SLC26A5: variants seen among roughly 807,000 people sequenced by gnomAD.
SLC26A5 encodes prestin.
SLC26A5 carries 51 observed loss-of-function variants against 81.0 expected under a neutral mutation model. The observed-to-expected ratio is 0.63, with a 90% CI of 0.50 to 0.80. The LOEUF is 0.80. Ranked by LOEUF, SLC26A5 falls within the 30% of genes least tolerant of loss-of-function variation. The pLI is 0.00. For missense variants in SLC26A5, 771 were observed against 905.8 expected, an observed-to-expected ratio of 0.85 and a Z score of 1.91; for synonymous variants, 325 against 332.8, an observed-to-expected ratio of 0.98 and a Z score of 0.25.
chr7:103,398,224 C>T (rs1005429031), intron 8 of SLC26A5, among the ~76,000 whole-genome samples: 6 of 152,178 alleles, frequency 3.9e-5, no homozygotes, highest in Non-Finnish European at 5.9e-5. Context: ...GAGTTTATGA[C>T]CTGGCATTTT....
intron 19 of SLC26A5, among the ~76,000 whole-genome samples, chr7:103,359,120 A>C (rs986888781): frequency 4.7e-5 from 6 of 128,228 alleles, no homozygotes; most frequent in African/African-American, 1.8e-4. Context: ...CCACAGGTGC[A>C]TACCACCCCA....
intron 4 of SLC26A5, among the ~76,000 whole-genome samples, chr7:103,414,150 A>G (rs1217556036): frequency 8.6e-6 from 1 of 116,492 alleles, no homozygotes; most frequent in Non-Finnish European, 1.7e-5. Flanking sequence ...TCCCCTGGAC[A>G]CTAATGATAT....
Position 103,391,697 on chromosome 7 carries a change from T to C in SLC26A5, c.1158A>G (p.Ser386=). 6.2e-7 allele frequency: 1 copy of C among 1,613,976 alleles called. No individual in the cohort carries two copies. The highest frequency in any genetic ancestry group is 8.5e-7 in the Non-Finnish European group (1 of 1,179,996). ...IALGLCNSIG[S]LFQTFSISCS... ...ATGAAATTGAAAAGGTCTGGAAGAG[T>C]GAGCCAATGGAATTGCACAGTCCCA... Residue 386 remains serine (S), a synonymous_variant, in exon 11 of 20, where the codon TCA becomes TCG. Coordinates refer to ENST00000306312, the MANE Select transcript of SLC26A5 (RefSeq NM_198999.3).
chr7:103,382,971 T>C (rs996894101), intron 14 of SLC26A5, among the ~76,000 whole-genome samples: 44 of 152,184 alleles, frequency 2.9e-4, no homozygotes, highest in African/African-American at 9.7e-4. Flanking sequence ...TCAAAGGACT[T>C]TGTAAATTAG....
chr7:103,370,495 CAA>C (rs889349541), downstream of SLC26A5, among the ~76,000 whole-genome samples: 1 of 151,978 alleles, frequency 6.6e-6, no homozygotes, highest in African/African-American at 2.4e-5. Flanking sequence ...CTCATTTTCT[CAA>C]AGTGTACACT....
At chr7:103,368,764 A>G (rs1163060332) in intron 19 of SLC26A5, 1 of 152,234 alleles carries the variant, frequency 6.6e-6, no homozygotes, top group East Asian at 1.9e-4. Flanking sequence ...AGAAAAAAAA[A>G]TATTTGTACA....
At chr7:103,440,445 T>C (rs1238047427) in intron 2 of SLC26A5, among the ~76,000 whole-genome samples, 1 of 152,242 alleles carries the variant, frequency 6.6e-6, no homozygotes, top group African/African-American at 2.4e-5. Context: ...GAAGGATACA[T>C]TTTTATTTAT....
intron 6 of SLC26A5, among the ~76,000 whole-genome samples, 171 bp from the exon 7 acceptor site, chr7:103,410,720 T>C (rs1824417935): frequency 6.6e-6 from 1 of 151,830 alleles, no homozygotes; most frequent in Non-Finnish European, 1.5e-5. Flanking sequence ...AACCTCTGCC[T>C]CCCGGGTTCA....
At chr7:103,429,972 C>T (rs1825949601) in intron 2 of SLC26A5, among the ~76,000 whole-genome samples, 1 of 152,142 alleles carries the variant, frequency 6.6e-6, no homozygotes, top group South Asian at 2.1e-4. Context: ...ATCCACTCCC[C>T]TTAAATTCCT....
intron 14 of SLC26A5, among the ~76,000 whole-genome samples, chr7:103,381,475 C>A (rs1319562005): frequency 6.6e-6 from 1 of 150,398 alleles, no homozygotes; most frequent in East Asian, 2.0e-4. Flanking sequence ...GCATACACAC[C>A]CACACATGCA....
At chr7:103,400,712 A>G (rs766907379) in intron 8 of SLC26A5, among the ~76,000 whole-genome samples, 5 of 152,194 alleles carry the variant, frequency 3.3e-5, no homozygotes, top group Non-Finnish European at 5.9e-5. Flanking sequence ...CTTAACATTT[A>G]AGTCTTTAAT....
At position 103,367,562 on chromosome 7, in the gene SLC26A5, A is replaced by G. The variant is rs989899179; in HGVS notation, c.2041+9246T>C. The G allele has an allele frequency of 1.2e-6, 2 of 1,614,066 alleles. No homozygotes were observed. The highest frequency in any genetic ancestry group is 1.7e-6 in the Non-Finnish European group (2 of 1,180,046). ...ACCTGATACTTTGGATCCAGCACTG[A>G]TGAGGCCAGGGAGATTGGATAGAAA... On this transcript the variant is annotated intron_variant, in intron 19 of 19. Coordinates refer to the SLC26A5 transcript ENST00000339444. This position sits in a 1 kb window ranked among gnomAD's most constrained non-coding sequence, Gnocchi z 6.1.
At chr7:103,390,301 C>T in intron 12 of SLC26A5, 128 bp downstream of exon 12, 1 of 882,212 alleles carries the variant, frequency 1.1e-6, no homozygotes, top group Non-Finnish European at 1.9e-6. Context: ...CTAGCCTTGG[C>T]CCTTTCTCAT....
At chr7:103,380,689 G>C in intron 14 of SLC26A5, 140 bp from the exon 15 acceptor site, 2 of 741,002 alleles carry the variant, frequency 2.7e-6, no homozygotes, top group South Asian at 2.9e-5. Flanking sequence ...CTTTGCAGAA[G>C]GGCTCCACAC....
At chr7:103,357,763 C>T (rs1392505218) in intron 19 of SLC26A5, among the ~76,000 whole-genome samples, 6 of 152,074 alleles carry the variant, frequency 3.9e-5, no homozygotes, top group South Asian at 2.1e-4. Flanking sequence ...GTTGTTATAA[C>T]GTCTTGTTTT....
intron 19 of SLC26A5, chr7:103,361,899 T>C: frequency 2.0e-6 from 3 of 1,519,598 alleles, no homozygotes; most frequent in Non-Finnish European, 2.7e-6. Flanking sequence ...TCTAGTTAGT[T>C]GAATTCATTA....
At chr7:103,401,401 C>T (rs1171986014) in intron 8 of SLC26A5, among the ~76,000 whole-genome samples, 1 of 152,118 alleles carries the variant, frequency 6.6e-6, no homozygotes, top group Non-Finnish European at 1.5e-5. Context: ...GTGATTTTTG[C>T]ACATTGATTT....
intron 2 of SLC26A5, among the ~76,000 whole-genome samples, chr7:103,426,588 A>G (rs1383596690): frequency 5.3e-5 from 8 of 152,184 alleles, no homozygotes; most frequent in Non-Finnish European, 1.0e-4. Context: ...AGATACTGGC[A>G]CCCTGGCTAT....
At chr7:103,412,913 T>G in intron 5 of SLC26A5, 89 bp downstream of exon 5, 9 of 1,001,028 alleles carry the variant, frequency 9.0e-6, no homozygotes, top group African/African-American at 1.6e-5. Flanking sequence ...TAAGACAATT[T>G]TTAATAATGA....
Sources: gnomAD v4.1 joint callset for allele counts (sites outside exome capture counted in the v4.1 genomes callset) on GRCh38, gnomAD v4.1.1 for gene constraint, Gnocchi (gnomAD v3.1) non-coding constraint, MANE v1.5 for transcripts, NCBI Gene and HGNC (gene_info 2026-07-23, HGNC 2026-07-21) for gene names.